The following SLC24A2 variants were observed in gnomAD, a reference collection of about 807,000 sequenced individuals.
SLC24A2 encodes sodium/potassium/calcium exchanger 2.
SLC24A2 carries 36 observed loss-of-function variants against 62.0 expected under a neutral mutation model. That is an observed-to-expected ratio of 0.58 (90% CI 0.44 to 0.77). The LOEUF is 0.77. SLC24A2 is among the 30% of genes least tolerant of loss of function. The pLI, the probability that SLC24A2 is intolerant of heterozygous loss-of-function variation, is 0.00. For missense variants in SLC24A2, 846 were observed against 817.9 expected, an observed-to-expected ratio of 1.03 and a Z score of -0.42; for synonymous variants, 358 against 294.0, an observed-to-expected ratio of 1.22 and a Z score of -2.23.
chr9:19,874,772 G>A, the SLC24A2 span, among the ~76,000 whole-genome samples: 1 of 152,126 alleles, frequency 6.6e-6, no homozygotes, highest in Non-Finnish European at 1.5e-5. Flanking sequence ...AGTTATTGAT[G>A]ATATCTTAGC....
At chr9:20,259,228 G>C in the SLC24A2 span, among the ~76,000 whole-genome samples, 1 of 152,140 alleles carries the variant, frequency 6.6e-6, no homozygotes, top group Non-Finnish European at 1.5e-5. Context: ...AGCCCAGTGA[G>C]ACCCATTTTA....
chr9:19,609,279 G>A (rs1409678820), intron 4 of SLC24A2, among the ~76,000 whole-genome samples: 4 of 152,202 alleles, frequency 2.6e-5, no homozygotes, highest in South Asian at 2.1e-4. Flanking sequence ...CTCCTGCCCC[G>A]CTTGGTGCCT....
the SLC24A2 span, chr9:19,957,270 T>C: frequency 1.7e-3 from 1 of 576 alleles, no homozygotes; most frequent in South Asian, 0.071. Flanking sequence ...AGTTTAACAA[T>C]TTTTAAAAAA....
the SLC24A2 span, among the ~76,000 whole-genome samples, chr9:20,057,249 G>C: frequency 4.6e-5 from 7 of 152,192 alleles, no homozygotes; most frequent in Non-Finnish European, 8.8e-5. Context: ...TTGAGCGTGT[G>C]ATGCTCATTA....
chr9:19,769,016 AT>A (rs2118884599), intron 2 of SLC24A2, among the ~76,000 whole-genome samples: 1 of 152,200 alleles, frequency 6.6e-6, no homozygotes, highest in South Asian at 2.1e-4. Flanking sequence ...CTGAACTTGT[AT>A]TTCTAGTCTG....
chr9:19,728,886 C>T (rs975029535), intron 2 of SLC24A2, among the ~76,000 whole-genome samples: 1 of 152,024 alleles, frequency 6.6e-6, no homozygotes, highest in African/African-American at 2.4e-5. Context: ...AAGCAGCACA[C>T]CAAAAGGAGA....
chr9:19,896,717 G>A, the SLC24A2 span, among the ~76,000 whole-genome samples: 2 of 152,140 alleles, frequency 1.3e-5, no homozygotes, highest in South Asian at 4.2e-4. Flanking sequence ...ACAGCATTAT[G>A]GTGAAGACTT....
chr9:20,286,418 A>G, the SLC24A2 span, among the ~76,000 whole-genome samples: 2 of 152,320 alleles, frequency 1.3e-5, no homozygotes, highest in East Asian at 1.9e-4. Context: ...ATTTCCTTGT[A>G]CTAACAAGAA....
intron 2 of SLC24A2, among the ~76,000 whole-genome samples, chr9:19,675,944 C>A (rs1294961125): frequency 1.3e-5 from 2 of 152,130 alleles, no homozygotes; most frequent in African/African-American, 4.8e-5. Flanking sequence ...TGGTCTTTTC[C>A]AGTTCCTCTG....
At chr9:20,101,319 G>A in the SLC24A2 span, among the ~76,000 whole-genome samples, 3 of 152,200 alleles carry the variant, frequency 2.0e-5, no homozygotes, top group African/African-American at 4.8e-5. Context: ...TACTATTCAA[G>A]TGTAACCCTC....
the SLC24A2 span, among the ~76,000 whole-genome samples, chr9:20,168,205 C>A: frequency 6.6e-6 from 1 of 151,998 alleles, no homozygotes; most frequent in East Asian, 1.9e-4. Context: ...AAAGATTAAA[C>A]AAATGTGGCA....
At chr9:19,565,985 A>C (rs1403050000) in intron 7 of SLC24A2, among the ~76,000 whole-genome samples, 3 of 151,938 alleles carry the variant, frequency 2.0e-5, no homozygotes, top group South Asian at 2.1e-4. Context: ...TAAAGACTTA[A>C]ATGTTAGACC....
the SLC24A2 span, among the ~76,000 whole-genome samples, chr9:19,944,674 G>A: frequency 1.6e-4 from 24 of 152,138 alleles, no homozygotes; most frequent in Non-Finnish European, 2.9e-4. Flanking sequence ...TGAAGCTTCA[G>A]TATCCCTTTG....
chr9:19,722,362 A>C (rs553413211), intron 2 of SLC24A2, among the ~76,000 whole-genome samples: 16 of 152,138 alleles, frequency 1.1e-4, no homozygotes, highest in Non-Finnish European at 1.5e-5. Flanking sequence ...TGCTAGGTTC[A>C]ACATATATTT....
the SLC24A2 span, among the ~76,000 whole-genome samples, chr9:20,062,059 C>G: frequency 6.6e-6 from 1 of 152,164 alleles, no homozygotes; most frequent in African/African-American, 2.4e-5. Context: ...AACACAGCAT[C>G]TCTCCAAAAA....
At chr9:20,009,653 A>G in the SLC24A2 span, among the ~76,000 whole-genome samples, 1 of 152,150 alleles carries the variant, frequency 6.6e-6, no homozygotes, top group East Asian at 1.9e-4. Flanking sequence ...CAGAGAAAGG[A>G]ACATCTGTCC....
the SLC24A2 span, among the ~76,000 whole-genome samples, chr9:19,860,705 G>C: frequency 6.6e-6 from 1 of 152,080 alleles, no homozygotes; most frequent in Non-Finnish European, 1.5e-5. Flanking sequence ...GGCCAGAGGG[G>C]AGCACAGTCC....
At chr9:20,148,011 A>T in the SLC24A2 span, among the ~76,000 whole-genome samples, 222 of 152,198 alleles carry the variant, frequency 1.5e-3, 4 homozygotes, top group South Asian at 0.028. Flanking sequence ...TTCTATAATC[A>T]GTCTAAAGAA....
the SLC24A2 span, among the ~76,000 whole-genome samples, chr9:19,814,602 A>G: frequency 6.6e-6 from 1 of 152,198 alleles, no homozygotes; most frequent in Admixed American, 6.5e-5. Context: ...TTCTAAAGGT[A>G]AATAATCAAA....
Sources: gnomAD v4.1 joint callset for allele counts (sites outside exome capture counted in the v4.1 genomes callset) on GRCh38, gnomAD v4.1.1 for gene constraint, MANE v1.5 for transcripts, NCBI Gene and HGNC (gene_info 2026-07-23, HGNC 2026-07-21) for gene names.